The following EVC2 variants were observed in gnomAD, a reference collection of about 807,000 sequenced individuals.
EVC2 encodes the protein EvC ciliary complex subunit 2, also known as limbin.
EVC2 carries 148 observed loss-of-function variants against 149.3 expected under a neutral mutation model. That is an observed-to-expected ratio of 0.99 (90% CI 0.87 to 1.14). The LOEUF is 1.14. Among genes scored for constraint, EVC2 ranks in the 50% most tolerant of loss-of-function variants. EVC2 has a pLI of 0.00. For missense variants in EVC2, 1,854 were observed against 1,627.3 expected, an observed-to-expected ratio of 1.14 and a Z score of -2.40; for synonymous variants, 776 against 649.9, an observed-to-expected ratio of 1.19 and a Z score of -2.95.
At chr4:5,685,806 ATAGG>A (rs1418452272) in intron 5 of EVC2, among the ~76,000 whole-genome samples, 1 of 152,088 alleles carries the variant, frequency 6.6e-6, no homozygotes, top group Non-Finnish European at 1.5e-5. Context: ...ACCTCATCCC[ATAGG>A]TAAGTTTGGG....
chr4:5,584,303 G>C (rs939570667), intron 17 of EVC2, among the ~76,000 whole-genome samples: 1 of 152,146 alleles, frequency 6.6e-6, no homozygotes, highest in Admixed American at 6.5e-5. Context: ...GTTGCATTTA[G>C]GATGCTGCTA....
chr4:5,603,102 A>G (rs1362211411), intron 16 of EVC2, among the ~76,000 whole-genome samples: 4 of 152,212 alleles, frequency 2.6e-5, no homozygotes, highest in Admixed American at 6.5e-5. Context: ...AGTGGGAGAA[A>G]AGTTACTAAA....
At chr4:5,541,892 C>G (rs1467893252), downstream of EVC2, among the ~76,000 whole-genome samples, 1 of 152,116 alleles carries the variant, frequency 6.6e-6, no homozygotes, top group Admixed American at 6.5e-5. Flanking sequence ...ATGTCCCGAG[C>G]AATGGACTGA....
intron 8 of EVC2, 44 bp downstream of exon 8, chr4:5,665,471 C>T: frequency 1.2e-6 from 2 of 1,613,452 alleles, no homozygotes; most frequent in Non-Finnish European, 1.7e-6. Flanking sequence ...TGAACTTCAA[C>T]CTCACATTCA....
the EVC2 span, among the ~76,000 whole-genome samples, chr4:5,530,579 C>T: frequency 6.6e-6 from 1 of 152,088 alleles, no homozygotes; most frequent in South Asian, 2.1e-4. Flanking sequence ...ACCAAATGTT[C>T]AGCATACAAT....
intron 3 of EVC2, among the ~76,000 whole-genome samples, chr4:5,692,881 AAAAAAAAAAG>A (rs1204622397): frequency 0.033 from 4,741 of 143,428 alleles, 309 homozygotes; most frequent in African/African-American, 0.11. Context: ...CTCAAAAAAA[AAAAAAAAAAG>A]AAAAAAGAAA....
intron 13 of EVC2, 126 bp from the exon 14 acceptor site, chr4:5,623,117 A>C: frequency 1.1e-6 from 1 of 938,030 alleles, no homozygotes; most frequent in Non-Finnish European, 1.6e-6. Flanking sequence ...TCACATTTGG[A>C]AGTTATTCTG....
chr4:5,669,948 G>T (rs1004865089), intron 7 of EVC2, among the ~76,000 whole-genome samples: 1 of 152,134 alleles, frequency 6.6e-6, no homozygotes, highest in Admixed American at 6.5e-5. Flanking sequence ...CCTGCTTTCT[G>T]ACACCAAGTA....
intron 16 of EVC2, among the ~76,000 whole-genome samples, chr4:5,595,302 T>G (rs1577133913): frequency 6.6e-6 from 1 of 152,190 alleles, no homozygotes; most frequent in African/African-American, 2.4e-5. Context: ...GAAAAAATGT[T>G]AAGGGCAGCC....
chr4:5,638,992 A>C (rs993292367), intron 10 of EVC2, among the ~76,000 whole-genome samples: 20 of 152,176 alleles, frequency 1.3e-4, no homozygotes, highest in Non-Finnish European at 2.4e-4. Flanking sequence ...AGCCACAGGA[A>C]ACTAGGACAG....
At chr4:5,568,352 A>G (rs1577099277) in intron 20 of EVC2, 92 bp downstream of exon 20, 4 of 1,305,316 alleles carry the variant, frequency 3.1e-6, no homozygotes, top group Non-Finnish European at 2.1e-6. Context: ...AAGTATGGAC[A>G]AAATACATGG....
At position 5,575,207 on chromosome 4, in the gene EVC2, G is replaced by A. The variant is rs138272605; in HGVS notation, c.3273-435C>T. Among the ~76,000 whole-genome samples the A allele has an allele frequency of 2.4e-3, 358 of 152,286 alleles. 3 individuals are homozygous for A. Among genetic ancestry groups the A allele is most frequent in the Admixed American group, 0.011 (174 of 15,300 alleles). On this transcript the variant is annotated intron_variant, in intron 18 of 21. Transcript: ENST00000344408. ...ACATGAGGCTTCCTGACGCCCACAC[G>A]AGGGGGTCTGCTTAACACATGCCTT... is the stretch of plus-strand genomic sequence containing the variant.
At chr4:5,665,471 C>A (rs1333922561) in intron 8 of EVC2, 44 bp downstream of exon 8, 1 of 1,613,452 alleles carries the variant, frequency 6.2e-7, no homozygotes, top group Non-Finnish European at 8.5e-7. Flanking sequence ...TGAACTTCAA[C>A]CTCACATTCA....
intron 9 of EVC2, among the ~76,000 whole-genome samples, chr4:5,643,229 A>G (rs1717469871): frequency 6.6e-6 from 1 of 152,240 alleles, no homozygotes; most frequent in Non-Finnish European, 1.5e-5. Flanking sequence ...GTTTCTTAAA[A>G]GCAGAGGGAT....
intron 5 of EVC2, among the ~76,000 whole-genome samples, chr4:5,688,941 T>G (rs1050801895): frequency 6.6e-5 from 10 of 152,206 alleles, no homozygotes; most frequent in Admixed American, 1.3e-4. Flanking sequence ...AACATCTCTC[T>G]AAGATAAATG....
At chr4:5,641,357 T>C (rs183201765) in intron 9 of EVC2, among the ~76,000 whole-genome samples, 1 of 152,340 alleles carries the variant, frequency 6.6e-6, no homozygotes, top group Non-Finnish European at 1.5e-5. Context: ...GATTTGTTAA[T>C]TTTAACAAAT....
chr4:5,552,911 AG>A (rs1721768531), intron 21 of EVC2, among the ~76,000 whole-genome samples: 1 of 152,236 alleles, frequency 6.6e-6, no homozygotes, highest in Non-Finnish European at 1.5e-5. Flanking sequence ...GAGCAGGAAA[AG>A]AGGCACGATA....
chr4:5,573,117 T>G (rs1722729086), intron 19 of EVC2, among the ~76,000 whole-genome samples: 1 of 152,196 alleles, frequency 6.6e-6, no homozygotes, highest in Non-Finnish European at 1.5e-5. Flanking sequence ...GTTTGGACAC[T>G]GTCACTCCAG....
chr4:5,709,054 C>A, upstream of EVC2: 1 of 152,676 alleles, frequency 6.5e-6, no homozygotes, highest in Non-Finnish European at 1.5e-5. Flanking sequence ...CAGTGCAGAC[C>A]AGCTGAGCAC....
Sources: allele counts gnomAD v4.1 joint callset (sites outside exome capture counted in the v4.1 genomes callset), GRCh38; gene constraint gnomAD v4.1.1; transcripts MANE v1.5; gene names NCBI Gene and HGNC (gene_info 2026-07-23, HGNC 2026-07-21).